COL26A1: variants seen among roughly 807,000 people sequenced by gnomAD.
COL26A1 encodes collagen type XXVI alpha 1 chain, also known as collagen alpha-1(XXVI) chain.
In COL26A1, 41 loss-of-function variants were observed where a neutral mutation model predicts 59.3. The ratio of observed to expected loss-of-function variants is 0.69; its 90% confidence interval spans 0.54 to 0.90. The LOEUF is 0.90. Ranked by LOEUF, COL26A1 falls within the 40% of genes least tolerant of loss-of-function variation. The probability of loss-of-function intolerance (pLI) is 0.00; values close to 1 mark genes in which losing one functional copy is unlikely to be tolerated. For synonymous variants in COL26A1, 266 were observed against 256.0 expected (o/e 1.04, Z -0.37); for missense variants, 612 against 602.3 (o/e 1.02, Z -0.17).
intron 1 of COL26A1, among the ~76,000 whole-genome samples, chr7:101,403,502 G>C (rs768578058): frequency 2.0e-5 from 3 of 151,974 alleles, no homozygotes; most frequent in Non-Finnish European, 4.4e-5. Context: ...CTGGGAGACA[G>C]AGTGAGACTC....
Position 101,551,230 on chromosome 7 carries a change from TG to T in COL26A1, c.1029+94del, listed in dbSNP as rs1430330168. The T allele has an allele frequency of 5.3e-4, 61 of 115,744 alleles. 1 individual carries two copies. Among genetic ancestry groups the T allele is most frequent in the East Asian group, 7.6e-4 (6 of 7,936 alleles). The allele number at this position is 115,744 out of a possible 1,614,324, so 7.2% of individuals were successfully genotyped here. A position where few individuals can be genotyped will look rare whatever the true frequency, so the allele number is the denominator to read the frequency against. ...CAGGGCACTGGGTGGCGGGGGTTGGTGGGGGGGTTCAGCCCTGGGTGGCCCT... is the reference window on the plus strand; with the variant it reads ...CAGGGCACTGGGTGGCGGGGGTTGGTGGGGGGTTCAGCCCTGGGTGGCCCT... On this transcript the variant is annotated intron_variant, in intron 10 of 12. Coordinates refer to ENST00000313669, the MANE Select transcript of COL26A1 (RefSeq NM_001278563.3).
At chr7:101,497,340 G>T (rs141402382) in intron 3 of COL26A1, among the ~76,000 whole-genome samples, 1 of 152,258 alleles carries the variant, frequency 6.6e-6, no homozygotes, top group East Asian at 1.9e-4. Context: ...AACATGTACT[G>T]AGCACCTTGA....
At chr7:101,412,310 C>T (rs958327663) in intron 1 of COL26A1, among the ~76,000 whole-genome samples, 1 of 152,138 alleles carries the variant, frequency 6.6e-6, no homozygotes, top group Non-Finnish European at 1.5e-5. Context: ...CTACCACCCT[C>T]ATCCTGGAAG....
intron 1 of COL26A1, among the ~76,000 whole-genome samples, chr7:101,374,171 C>G (rs1041890912): frequency 5.9e-5 from 9 of 152,212 alleles, no homozygotes; most frequent in Non-Finnish European, 1.3e-4. Flanking sequence ...CTGGCCTTGT[C>G]TCTACCTGCC....
chr7:101,379,431 G>A (rs1347368333), intron 1 of COL26A1, among the ~76,000 whole-genome samples: 1 of 152,150 alleles, frequency 6.6e-6, no homozygotes, highest in East Asian at 1.9e-4. Context: ...CTGTGCTCCT[G>A]GTCTCTCTTG....
chr7:101,365,546 C>T (rs1791024011), intron 1 of COL26A1, among the ~76,000 whole-genome samples: 1 of 152,138 alleles, frequency 6.6e-6, no homozygotes, highest in Non-Finnish European at 1.5e-5. Context: ...CCTGCCTCAG[C>T]CTCCCAAGTA....
At chr7:101,442,821 AG>A (rs761743664) in intron 2 of COL26A1, among the ~76,000 whole-genome samples, 212 of 151,958 alleles carry the variant, frequency 1.4e-3, no homozygotes, top group Admixed American at 2.6e-3. Flanking sequence ...AGTGAGTCTG[AG>A]GGTGCTGAGC....
chr7:101,466,306 C>T (rs1413473548), intron 3 of COL26A1, among the ~76,000 whole-genome samples: 1 of 152,048 alleles, frequency 6.6e-6, no homozygotes, highest in African/African-American at 2.4e-5. Context: ...GTGACAAGTA[C>T]CTGATGTGGC....
chr7:101,378,241 G>A (rs1360204533), intron 1 of COL26A1, among the ~76,000 whole-genome samples: 1 of 152,102 alleles, frequency 6.6e-6, no homozygotes, highest in African/African-American at 2.4e-5. Context: ...TTAGCTGGGT[G>A]TGGTGGTGCA....
At chr7:101,527,755 C>G (rs1795278378) in intron 3 of COL26A1, among the ~76,000 whole-genome samples, 1 of 151,862 alleles carries the variant, frequency 6.6e-6, no homozygotes, top group South Asian at 2.1e-4. Context: ...TGTGTGGGTC[C>G]TAGACGCTGG....
At chr7:101,490,238 T>C (rs189305598) in intron 3 of COL26A1, among the ~76,000 whole-genome samples, 1 of 151,766 alleles carries the variant, frequency 6.6e-6, no homozygotes, top group Non-Finnish European at 1.5e-5. Flanking sequence ...GCCGGGCCTT[T>C]TTAAAATTTT....
At chr7:101,393,006 G>GTT (rs11350670) in intron 1 of COL26A1, among the ~76,000 whole-genome samples, 3 of 129,330 alleles carry the variant, frequency 2.3e-5, no homozygotes, top group Admixed American at 7.9e-5. Flanking sequence ...ATGTTTTTTT[G>GTT]TTTTTTTTTT....
intron 3 of COL26A1, among the ~76,000 whole-genome samples, chr7:101,502,365 A>G (rs1349034480): frequency 6.6e-6 from 1 of 152,174 alleles, no homozygotes; most frequent in Non-Finnish European, 1.5e-5. Flanking sequence ...AACAAACAAC[A>G]ACAACAACAA....
rs1055877867 is a variant in COL26A1, at chr7:101,380,313, T to G, written c.158+17123T>G. Among the ~76,000 whole-genome samples, 410 of 126,466 alleles carry G rather than the reference T, an allele frequency of 3.2e-3. 1 individual carries two copies. Among genetic ancestry groups the G allele is most frequent in the Non-Finnish European group, 5.9e-3 (329 of 55,474 alleles). The allele number at this position is 126,466 out of a possible 152,430, so 83.0% of individuals were successfully genotyped here. On this transcript the variant is annotated intron_variant, in intron 1 of 12. Coordinates refer to ENST00000313669, the MANE Select transcript of COL26A1 (RefSeq NM_001278563.3). The stretch of plus-strand genomic sequence containing the variant: ...CTACATTTTTTTTTTTTTTTTTTTT[T>G]GAAACAGAGTCTCTCTCTGTCGCCC...
chr7:101,397,435 ACTT>A (rs1420725756), intron 1 of COL26A1, among the ~76,000 whole-genome samples: 12 of 101,720 alleles, frequency 1.2e-4, no homozygotes, highest in African/African-American at 4.0e-4. Flanking sequence ...CTCTTTCTTT[ACTT>A]CTTTTCTCCT....
intron 3 of COL26A1, among the ~76,000 whole-genome samples, chr7:101,495,504 G>T (rs931950667): frequency 6.6e-6 from 1 of 151,844 alleles, no homozygotes; most frequent in African/African-American, 2.4e-5. Context: ...CGCCTCCCAG[G>T]TTCACGCCAT....
intron 2 of COL26A1, among the ~76,000 whole-genome samples, chr7:101,436,771 A>G (rs1306847465): frequency 6.6e-6 from 1 of 150,698 alleles, no homozygotes. Context: ...GCTGGAGTGC[A>G]GTGGCACAAT....
intron 1 of COL26A1, among the ~76,000 whole-genome samples, chr7:101,375,279 C>T (rs530743438): frequency 6.6e-6 from 1 of 151,976 alleles, no homozygotes; most frequent in Non-Finnish European, 1.5e-5. Context: ...ATTAATCAAG[C>T]GCTTAGAACA....
At chr7:101,363,892 C>T (rs1790975242) in intron 1 of COL26A1, among the ~76,000 whole-genome samples, 1 of 152,158 alleles carries the variant, frequency 6.6e-6, no homozygotes. Flanking sequence ...GCGTCCCGGG[C>T]ACCCCTCTCC....
Sources: gnomAD v4.1 joint callset for allele counts (sites outside exome capture counted in the v4.1 genomes callset) on GRCh38, gnomAD v4.1.1 for gene constraint, MANE v1.5 for transcripts, NCBI Gene and HGNC (gene_info 2026-07-23, HGNC 2026-07-21) for gene names.